FAT3: variants seen among roughly 807,000 people sequenced by gnomAD.
FAT3 encodes protocadherin Fat 3.
Under a neutral mutation model 310.2 loss-of-function variants are expected in FAT3, and 95 were observed. The observed-to-expected ratio is 0.31, with a 90% CI of 0.26 to 0.36. The LOEUF (loss-of-function observed/expected upper bound fraction) is 0.36. Among genes scored for constraint, FAT3 ranks in the 10% least tolerant of loss-of-function variants. The probability of loss-of-function intolerance (pLI) is 1.00; values close to 1 mark genes in which losing one functional copy is unlikely to be tolerated. For synonymous variants in FAT3, 2,314 were observed against 2,192.9 expected, an observed-to-expected ratio of 1.06 and a Z score of -1.54; for missense variants, 5,408 against 5,715.6, an observed-to-expected ratio of 0.95 and a Z score of 1.74.
intron 2 of FAT3, among the ~76,000 whole-genome samples, chr11:92,368,855 TACAC>T (rs1221676414): frequency 3.5e-4 from 50 of 142,302 alleles, no homozygotes; most frequent in Admixed American, 1.6e-3. Context: ...TATACACACA[TACAC>T]ATATATATAT....
chr11:92,297,958 A>G lies in FAT3; in HGVS notation c.-17-54138A>G, dbSNP rs920690673. On this transcript the variant is annotated intron_variant, in intron 1 of 27. Transcript: ENST00000525166. Reference sequence around the variant, plus strand: ...AAATTCTGTCCAGCATTAGCTGGACATAATAAACCAGCATTGGCCTGTCTG... The same window carrying G: ...AAATTCTGTCCAGCATTAGCTGGACGTAATAAACCAGCATTGGCCTGTCTG... Among the ~76,000 whole-genome samples, 5 of 152,286 alleles carry G rather than the reference A, an allele frequency of 3.3e-5. No individual in the cohort carries two copies. The East Asian group carries it at 5.8e-4, about 18-fold the overall frequency.
intron 3 of FAT3, among the ~76,000 whole-genome samples, chr11:92,640,282 C>T (rs554245049): frequency 7.6e-4 from 115 of 152,210 alleles, no homozygotes; most frequent in African/African-American, 2.6e-3. Flanking sequence ...GAGCCTCTCA[C>T]TCCTGCCAAC....
At chr11:92,598,570 T>C (rs113417875) in intron 3 of FAT3, among the ~76,000 whole-genome samples, 16 of 152,254 alleles carry the variant, frequency 1.1e-4, no homozygotes, top group African/African-American at 3.4e-4. Context: ...TGAGAGAGTA[T>C]GGATGCATTT....
Position 92,784,437 on chromosome 11 carries a change from C to T in FAT3, c.4336-5506C>T, listed in dbSNP as rs553439397. On this transcript the variant is annotated intron_variant, in intron 7 of 27. Transcript: ENST00000525166. ...TGGTTCTAATAAAAGACAGTGCCTT[C>T]ACCCTACTGCTCGCCCCATGGACAC... Among the ~76,000 whole-genome samples the T allele has an allele frequency of 1.8e-4, 27 of 152,314 alleles. No homozygotes were observed. In the South Asian group the frequency reaches 5.6e-3, roughly 32 times the overall value.
intron 3 of FAT3, among the ~76,000 whole-genome samples, chr11:92,559,078 T>G (rs193219940): frequency 6.6e-6 from 1 of 152,326 alleles, no homozygotes; most frequent in Admixed American, 6.5e-5. Context: ...GAAATTGAGA[T>G]TTATGATAAT....
chr11:92,249,503 T>A (rs1865052988), intron 1 of FAT3, among the ~76,000 whole-genome samples: 1 of 152,120 alleles, frequency 6.6e-6, no homozygotes, highest in Admixed American at 6.6e-5. Context: ...TTTCTTTCTT[T>A]TTCTCTTTAC....
chr11:92,857,444 TTTC>T (rs1949009555), intron 20 of FAT3, 96 bp downstream of exon 20: 1 of 1,533,948 alleles, frequency 6.5e-7, no homozygotes, highest in Admixed American at 1.9e-5. Flanking sequence ...CCAGAAAACG[TTTC>T]TTTATGCATG....
intron 13 of FAT3, among the ~76,000 whole-genome samples, chr11:92,811,809 T>C (rs903507080): frequency 2.3e-4 from 35 of 152,312 alleles, no homozygotes; most frequent in African/African-American, 7.0e-4. Context: ...ACCAGGCCAT[T>C]GCATCAGCCA....
rs1189604070 is a variant in FAT3, at chr11:92,883,032, G to A, written c.12576G>A (p.Val4192=). ...KNYSRNNITL[V]QDPATAALLN... ...ACTCCCGCAACAACATCACGCTAGT[G>A]CAGGACCCGGCCACCGCCGCCCTGC... The change falls in exon 24 of 28, where the codon GTG becomes GTA. Residue 4192 remains valine, a synonymous_variant. Transcript: ENST00000525166. The surrounding 1 kb of genome is among the most constrained non-coding windows in gnomAD (Gnocchi z 4.2). 6.2e-7 allele frequency: 1 copy of A among 1,613,886 alleles called. No individual in the cohort carries two copies. Among genetic ancestry groups the A allele is most frequent in the Non-Finnish European group, 8.5e-7 (1 of 1,179,894 alleles).
intron 13 of FAT3, among the ~76,000 whole-genome samples, chr11:92,815,396 AC>A (rs1292885736): frequency 6.6e-6 from 1 of 151,978 alleles, no homozygotes; most frequent in Non-Finnish European, 1.5e-5. Flanking sequence ...ACACAGTGAA[AC>A]CCTGTCTCTA....
intron 6 of FAT3, among the ~76,000 whole-genome samples, chr11:92,766,430 C>T (rs371113668): frequency 4.3e-4 from 65 of 152,228 alleles, no homozygotes; most frequent in African/African-American, 1.4e-3. Context: ...CCTCTCCCCC[C>T]CAGGAATGGC....
chr11:92,553,168 T>A (rs1029094468), intron 3 of FAT3, among the ~76,000 whole-genome samples: 2 of 152,126 alleles, frequency 1.3e-5, no homozygotes, highest in African/African-American at 4.8e-5. Flanking sequence ...TTTACAATAA[T>A]GCTGCGAAAA....
chr11:92,553,403 A>G (rs1954888032), intron 3 of FAT3, among the ~76,000 whole-genome samples: 1 of 152,264 alleles, frequency 6.6e-6, no homozygotes, highest in Non-Finnish European at 1.5e-5. Context: ...AGGCACAAGT[A>G]TTAGCTTCAA....
At chr11:92,426,581 G>T (rs1950639455) in intron 2 of FAT3, among the ~76,000 whole-genome samples, 1 of 152,134 alleles carries the variant, frequency 6.6e-6, no homozygotes, top group Non-Finnish European at 1.5e-5. Flanking sequence ...TCAAGTTTCA[G>T]TTTTCTACAT....
chr11:92,854,126 C>A (rs1375774422), intron 19 of FAT3, among the ~76,000 whole-genome samples: 1 of 152,104 alleles, frequency 6.6e-6, no homozygotes, highest in Non-Finnish European at 1.5e-5. Context: ...TGAGATGGGC[C>A]CAAGGTGGCA....
chr11:92,611,029 T>C (rs1204986048), intron 3 of FAT3, among the ~76,000 whole-genome samples: 1 of 152,154 alleles, frequency 6.6e-6, no homozygotes, highest in Non-Finnish European at 1.5e-5. Context: ...TGCTGGCCGT[T>C]TTATTGTCTC....
intron 19 of FAT3, among the ~76,000 whole-genome samples, chr11:92,851,049 A>G (rs1035970617): frequency 3.9e-5 from 6 of 152,176 alleles, no homozygotes; most frequent in Non-Finnish European, 7.3e-5. Context: ...ATGAAAAAAC[A>G]CCTGCACCTG....
At chr11:92,481,378 GA>G (rs1045248351) in intron 2 of FAT3, among the ~76,000 whole-genome samples, 17 of 149,508 alleles carry the variant, frequency 1.1e-4, no homozygotes, top group South Asian at 4.2e-4. Context: ...AAAGCTTTTG[GA>G]AAAAAAAACT....
At chr11:92,707,896 A>G (rs549137330) in intron 4 of FAT3, among the ~76,000 whole-genome samples, 45 of 152,344 alleles carry the variant, frequency 3.0e-4, no homozygotes, top group African/African-American at 1.1e-3. Flanking sequence ...CAAGTTTAAA[A>G]TATGGAATTC....
Sources: allele counts gnomAD v4.1 joint callset (sites outside exome capture counted in the v4.1 genomes callset), GRCh38; gene constraint gnomAD v4.1.1; non-coding constraint Gnocchi (gnomAD v3.1); transcripts MANE v1.5; gene names NCBI Gene and HGNC (gene_info 2026-07-23, HGNC 2026-07-21).